The following RIC1 variants were observed in gnomAD, a reference collection of about 807,000 sequenced individuals.
The protein encoded by RIC1 is guanine nucleotide exchange factor subunit RIC1.
RIC1 carries 88 observed loss-of-function variants against 169.0 expected under a neutral mutation model. The observed-to-expected ratio is 0.52, with a 90% confidence interval of 0.44 to 0.62. The LOEUF is 0.62. RIC1 is among the 20% of genes least tolerant of loss of function. The probability of loss-of-function intolerance (pLI) is 0.00; values close to 1 mark genes in which losing one functional copy is unlikely to be tolerated. For synonymous variants in RIC1, 790 were observed against 601.5 expected, an observed-to-expected ratio of 1.31 and a Z score of -4.59; for missense variants, 1,877 against 1,725.5, an observed-to-expected ratio of 1.09 and a Z score of -1.56.
At chr9:5,725,112 G>C (rs1430789160) in intron 6 of RIC1, among the ~76,000 whole-genome samples, 2 of 152,234 alleles carry the variant, frequency 1.3e-5, no homozygotes, top group East Asian at 3.9e-4. Flanking sequence ...CTATTGATTG[G>C]AATAGTTTCA....
chr9:5,727,695 T>G (rs181492387), intron 6 of RIC1, among the ~76,000 whole-genome samples: 310 of 152,364 alleles, frequency 2.0e-3, no homozygotes, highest in Non-Finnish European at 2.9e-3. Context: ...TAGTCTTTGA[T>G]GATGCTGACA....
At chr9:5,632,325 G>C (rs548437236) in intron 1 of RIC1, among the ~76,000 whole-genome samples, 9 of 152,154 alleles carry the variant, frequency 5.9e-5, no homozygotes, top group African/African-American at 1.9e-4. Flanking sequence ...TAATTCATAA[G>C]ACTGAATCTC....
chr9:5,733,603 TCA>T (rs1253149420), intron 7 of RIC1, among the ~76,000 whole-genome samples: 1 of 152,096 alleles, frequency 6.6e-6, no homozygotes, highest in Non-Finnish European at 1.5e-5. Context: ...TAAATCACTT[TCA>T]TTACACTCTT....
chr9:5,645,110 G>C (rs1818439725), intron 1 of RIC1, among the ~76,000 whole-genome samples: 1 of 151,858 alleles, frequency 6.6e-6, no homozygotes, highest in African/African-American at 2.4e-5. Context: ...AAAAAAAACA[G>C]TGATCTGATC....
intron 17 of RIC1, among the ~76,000 whole-genome samples, chr9:5,758,719 C>G (rs941030941): frequency 1.1e-4 from 15 of 135,854 alleles, no homozygotes; most frequent in African/African-American, 4.6e-4. Flanking sequence ...CTTGGTCTCC[C>G]TTCTTTTTTT....
At chr9:5,673,114 C>G (rs1311618159) in intron 2 of RIC1, among the ~76,000 whole-genome samples, 1 of 151,876 alleles carries the variant, frequency 6.6e-6, no homozygotes, top group Non-Finnish European at 1.5e-5. Flanking sequence ...CAAGTTTAGA[C>G]AAGAAAATGA....
chr9:5,738,538 G>A lies in RIC1; in HGVS notation c.901G>A (p.Asp301Asn). ...KLELTAKQYP[D>N]IWNKTGAVKL... Reference sequence around the variant, plus strand: ...AGAGCTAACAGCAAAACAGTATCCTGGTGAGTCTTTTTTTTTTTTTTTTTT... The same window carrying A: ...AGAGCTAACAGCAAAACAGTATCCTAGTGAGTCTTTTTTTTTTTTTTTTTT... The change falls in exon 8 of 26, where the codon GAC becomes AAC. Residue 301 changes from aspartate (D) to asparagine (N), a missense_variant and splice_region_variant. This residue lies in a region of RIC1 where 1,104 missense variants were observed against 992.0 expected (regional missense o/e 1.11). Coordinates refer to ENST00000414202, the MANE Select transcript of RIC1 (RefSeq NM_020829.4). The A allele has an allele frequency of 7.0e-7, 1 of 1,419,228 alleles. No individual in the cohort carries two copies. The highest frequency in any genetic ancestry group is 9.5e-7 in the Non-Finnish European group (1 of 1,052,134). The allele number at this position is 1,419,228 out of a possible 1,614,324, so 87.9% of individuals were successfully genotyped here.
Position 5,746,092 on chromosome 9 carries a change from AT to A in RIC1, c.1248+12del, listed in dbSNP as rs1338222990. ...CTGTAAACCCTTGTATGGTAAGTAT[AT>A]TTAAAGCTCTGATTTTTTAGTGTCT... is the stretch of plus-strand genomic sequence containing the variant. On this transcript the variant is annotated intron_variant, in intron 11 of 25. Coordinates refer to ENST00000414202, the MANE Select transcript of RIC1 (RefSeq NM_020829.4). The A allele has an allele frequency of 6.3e-7, 1 of 1,596,994 alleles. No homozygotes were observed. Among genetic ancestry groups the A allele is most frequent in the Non-Finnish European group, 8.6e-7 (1 of 1,168,072 alleles).
At chr9:5,630,363 C>T (rs1817661601) in intron 1 of RIC1, among the ~76,000 whole-genome samples, 1 of 152,168 alleles carries the variant, frequency 6.6e-6, no homozygotes, top group Admixed American at 6.5e-5. Context: ...CAGTACCAAT[C>T]GATGTCAGAG....
chr9:5,691,143 T>C (rs540796118), intron 3 of RIC1, among the ~76,000 whole-genome samples: 1 of 152,092 alleles, frequency 6.6e-6, no homozygotes, highest in South Asian at 2.1e-4. Context: ...ATGTAGTCAT[T>C]ATGTCTCAGA....
intron 6 of RIC1, among the ~76,000 whole-genome samples, chr9:5,730,390 A>G (rs1481034634): frequency 6.6e-6 from 1 of 152,214 alleles, no homozygotes; most frequent in Non-Finnish European, 1.5e-5. Flanking sequence ...AACATGAACA[A>G]ATTAGGCTAT....
chr9:5,704,782 AT>A (rs1197023493), intron 3 of RIC1, among the ~76,000 whole-genome samples: 2 of 151,872 alleles, frequency 1.3e-5, no homozygotes, highest in Non-Finnish European at 2.9e-5. Flanking sequence ...ATTTTCTTCT[AT>A]TTTTTTAAGA....
At chr9:5,734,252 A>G (rs1203952348) in intron 7 of RIC1, among the ~76,000 whole-genome samples, 1 of 151,768 alleles carries the variant, frequency 6.6e-6, no homozygotes, top group Non-Finnish European at 1.5e-5. Flanking sequence ...GATTGCAGGC[A>G]TGCACCACCA....
intron 6 of RIC1, among the ~76,000 whole-genome samples, chr9:5,731,828 T>C (rs1587054038): frequency 6.6e-6 from 1 of 152,164 alleles, no homozygotes; most frequent in African/African-American, 2.4e-5. Context: ...TTAAAAAAGA[T>C]CAAATACTTA....
chr9:5,659,449 A>G (rs750380555), intron 2 of RIC1, among the ~76,000 whole-genome samples: 4 of 152,176 alleles, frequency 2.6e-5, no homozygotes, highest in Non-Finnish European at 5.9e-5. Context: ...ATCCATCATA[A>G]TGTCGTAAGT....
intron 1 of RIC1, among the ~76,000 whole-genome samples, chr9:5,649,414 G>C (rs1818684434): frequency 6.6e-6 from 1 of 151,992 alleles, no homozygotes; most frequent in Admixed American, 6.6e-5. Flanking sequence ...TGTTTTCTGA[G>C]TTATTTCAAA....
In RIC1 at chr9:5,697,587, T is replaced by C. The variant is rs1015173915; in HGVS notation, c.332+7549T>C. ...TTTCATCCAAAAATACTTTTTATTA[T>C]TGTAAGCATTCCAGTAAACAATGAT... On this transcript the variant is annotated intron_variant, in intron 3 of 25. Transcript: ENST00000414202. Among the ~76,000 whole-genome samples, 7 of 152,332 alleles carry C rather than the reference T, an allele frequency of 4.6e-5. No homozygotes were observed. In the East Asian group the frequency reaches 9.7e-4, roughly 21 times the overall value.
At position 5,752,220 on chromosome 9, in the gene RIC1, C is replaced by T. The variant is rs532133087; in HGVS notation, c.1453-980C>T. Among the ~76,000 whole-genome samples, 4 of 152,150 alleles carry T rather than the reference C, an allele frequency of 2.6e-5. No individual in the cohort carries two copies. In the East Asian group the frequency reaches 7.7e-4, roughly 29 times the overall value. ...ACAGACAACGTGGAAAAATGAACGC[C>T]TTTTCTTGCAGATAGAGTTAATATT... On this transcript the variant is annotated intron_variant, in intron 12 of 25. Transcript: ENST00000414202.
intron 1 of RIC1, among the ~76,000 whole-genome samples, chr9:5,638,678 T>C (rs549796102): frequency 3.9e-4 from 60 of 152,344 alleles, no homozygotes; most frequent in African/African-American, 1.4e-3. Context: ...GTATCAATTG[T>C]AATATCTCCT....
Sources: allele counts gnomAD v4.1 joint callset (sites outside exome capture counted in the v4.1 genomes callset), GRCh38; gene constraint gnomAD v4.1.1; regional missense constraint gnomAD v4.1.1; transcripts MANE v1.5; gene names NCBI Gene and HGNC (gene_info 2026-07-23, HGNC 2026-07-21).